SLC36A1: variants seen among roughly 807,000 people sequenced by gnomAD.
SLC36A1 encodes the protein proton-coupled amino acid transporter 1.
In SLC36A1, 30 loss-of-function variants were observed where a neutral mutation model predicts 47.5. The observed-to-expected ratio is 0.63, with a 90% CI of 0.47 to 0.86. SLC36A1 has a LOEUF of 0.86. Ranked by LOEUF, SLC36A1 falls within the 40% of genes least tolerant of loss-of-function variation. SLC36A1 has a pLI of 0.00. For missense variants in SLC36A1, 517 were observed against 606.0 expected (o/e 0.85, Z 1.54); for synonymous variants, 255 against 249.7 (o/e 1.02, Z -0.20).
chr5:151,360,673 T>G, the SLC36A1 span, among the ~76,000 whole-genome samples: 1 of 152,224 alleles, frequency 6.6e-6, no homozygotes, highest in African/African-American at 2.4e-5. Flanking sequence ...TCTTCTGTCC[T>G]TTGCTTTAGT....
At chr5:151,365,881 G>A in the SLC36A1 span, among the ~76,000 whole-genome samples, 2 of 152,156 alleles carry the variant, frequency 1.3e-5, no homozygotes, top group Non-Finnish European at 2.9e-5. Flanking sequence ...TGCCTCCATT[G>A]GTGGTGCCTC....
chr5:151,447,933 C>A (rs1253312847), intron 1 of SLC36A1, 120 bp downstream of exon 1: 1 of 152,250 alleles, frequency 6.6e-6, no homozygotes, highest in African/African-American at 2.4e-5. Context: ...ATCCCTTGTC[C>A]CTCGCGCTAT....
chr5:151,470,862 G>T (rs1253582116), intron 7 of SLC36A1: 1 of 152,166 alleles, frequency 6.6e-6, no homozygotes, highest in Non-Finnish European at 1.5e-5. Flanking sequence ...CAGAGAGCAG[G>T]TTCCTCTCTG....
the SLC36A1 span, among the ~76,000 whole-genome samples, chr5:151,391,612 G>A: frequency 6.6e-6 from 1 of 152,126 alleles, no homozygotes; most frequent in Non-Finnish European, 1.5e-5. Context: ...TTAGCATGAA[G>A]GGCTGTTGAA....
At chr5:151,525,841 G>T in the SLC36A1 span, 3 of 1,614,044 alleles carry the variant, frequency 1.9e-6, no homozygotes, top group Non-Finnish European at 8.5e-7. Flanking sequence ...TCCATCCGGG[G>T]TCACTCGGAA....
chr5:151,488,304 CG>C lies in SLC36A1; in HGVS notation c.*51del. The C allele has an allele frequency of 1.9e-6, 3 of 1,589,606 alleles. No individual in the cohort carries two copies. The highest frequency in any genetic ancestry group is 2.6e-6 in the Non-Finnish European group (3 of 1,165,982). On this transcript the variant is annotated 3_prime_UTR_variant, in exon 11 of 11. Transcript: ENST00000243389. ...GCCTACCCCTGCCCCATGTGTCCCC[CG>C]TTACCTGTCCTCAGAGCCTCAGGTA...
chr5:151,543,228 G>T, the SLC36A1 span: 1 of 1,614,164 alleles, frequency 6.2e-7, no homozygotes, highest in African/African-American at 1.3e-5. Flanking sequence ...TAATTTCAAT[G>T]ACATCTTTAA....
chr5:151,508,593 C>G, the SLC36A1 span, among the ~76,000 whole-genome samples: 7 of 152,054 alleles, frequency 4.6e-5, no homozygotes, highest in Non-Finnish European at 1.0e-4. Context: ...GCCTGTAATC[C>G]CAGCTACTTG....
the SLC36A1 span, among the ~76,000 whole-genome samples, chr5:151,407,343 CGCTGATTGGTGCGTTTTTACAGAGT>C: frequency 3.3e-5 from 5 of 152,044 alleles, no homozygotes; most frequent in East Asian, 1.9e-4. Flanking sequence ...AAACACAGAG[CGCTGATTGGTGCGTTTTTACAGAGT>C]GCTGATTGGT....
At chr5:151,554,671 C>A in the SLC36A1 span, 1 of 1,608,958 alleles carries the variant, frequency 6.2e-7, no homozygotes, top group South Asian at 1.1e-5. Context: ...CCAGCACAGT[C>A]ACCTGGGAGC....
chr5:151,474,178 A>AAAAAAAAAAAAAAAAAAAAAAAAAGAG (rs776318482), intron 8 of SLC36A1, among the ~76,000 whole-genome samples: 1 of 119,008 alleles, frequency 8.4e-6, no homozygotes, highest in African/African-American at 4.5e-5. Context: ...AAAAAAAAAA[A>AAAAAAAAAAAAAAAAAAAAAAAAAGAG]AGAAATTATC....
chr5:151,396,121 CCTT>C, the SLC36A1 span, among the ~76,000 whole-genome samples: 15 of 146,030 alleles, frequency 1.0e-4, no homozygotes, highest in South Asian at 3.3e-3. Flanking sequence ...TATTCTTCCT[CCTT>C]CTTCTTCTTA....
the SLC36A1 span, among the ~76,000 whole-genome samples, chr5:151,385,009 A>AGAGTGAGT: frequency 7.8e-6 from 1 of 128,466 alleles, no homozygotes; most frequent in Admixed American, 7.3e-5. Flanking sequence ...AGAGAGAGAG[A>AGAGTGAGT]GTGTGTGTGT....
intron 1 of SLC36A1, among the ~76,000 whole-genome samples, chr5:151,455,132 A>C (rs1227995375): frequency 1.3e-5 from 2 of 152,160 alleles, no homozygotes; most frequent in East Asian, 3.9e-4. Flanking sequence ...TCTAGCATGT[A>C]GAGTGGATGG....
At chr5:151,450,500 T>C (rs1179312564) in intron 1 of SLC36A1, among the ~76,000 whole-genome samples, 1 of 139,248 alleles carries the variant, frequency 7.2e-6, no homozygotes, top group Non-Finnish European at 1.5e-5. Flanking sequence ...TGGACGGAAC[T>C]GGTGTCCACT....
chr5:151,366,616 G>A, the SLC36A1 span: 3 of 171,678 alleles, frequency 1.7e-5, no homozygotes, highest in Non-Finnish European at 2.5e-5. Flanking sequence ...GCTCATCTGG[G>A]TAAGGACCAT....
chr5:151,408,631 A>G, the SLC36A1 span, among the ~76,000 whole-genome samples: 1 of 152,194 alleles, frequency 6.6e-6, no homozygotes, highest in African/African-American at 2.4e-5. Context: ...CCCCAAATTT[A>G]TTACATACAC....
In SLC36A1 at chr5:151,451,833, G is replaced by A. The variant is rs562901225; in HGVS notation, c.-6+4020G>A. Reference sequence around the variant, plus strand: ...CAGACCTAATCCTGCCCCAGGCTCTGGGGCCAGCTTTGTTCGCAGGGAGAT... The same window carrying A: ...CAGACCTAATCCTGCCCCAGGCTCTAGGGCCAGCTTTGTTCGCAGGGAGAT... On this transcript the variant is annotated intron_variant, in intron 1 of 10. Coordinates refer to ENST00000243389, the MANE Select transcript of SLC36A1 (RefSeq NM_078483.4). Among the ~76,000 whole-genome samples the A allele has an allele frequency of 1.9e-4, 29 of 152,208 alleles. No individual in the cohort carries two copies. In the South Asian group the frequency reaches 6.0e-3, roughly 32 times the overall value.
rs964285577 is a variant in SLC36A1 at position 151,479,418 on chromosome 5, T to G, written c.1088T>G (p.Val363Gly). 1 of 1,614,232 alleles carries G rather than the reference T, an allele frequency of 6.2e-7. No homozygotes were observed. The highest frequency in any genetic ancestry group is 8.5e-7 in the Non-Finnish European group (1 of 1,180,026). The stretch of plus-strand genomic sequence containing the variant: ...GCTGAGATCATCATCCCCTTCTTTG[T>G]GTCCCGAGCGCCCGAGCACTGTGAG... ...VPAEIIIPFF[V>G]SRAPEHCELV... is the part of the protein sequence containing the mutation. Residue 363 changes from valine to glycine, a missense_variant, in exon 10 of 11, where the codon GTG (valine) becomes GGG (glycine). By Grantham distance (109) the Val-to-Gly change is moderately radical. Coordinates refer to ENST00000243389, the MANE Select transcript of SLC36A1 (RefSeq NM_078483.4).
Sources: gnomAD v4.1 joint callset for allele counts (sites outside exome capture counted in the v4.1 genomes callset) on GRCh38, gnomAD v4.1.1 for gene constraint, MANE v1.5 for transcripts, NCBI Gene and HGNC (gene_info 2026-07-23, HGNC 2026-07-21) for gene names.